The following TNFSF4 variants were observed in gnomAD, a reference collection of about 807,000 sequenced individuals.
TNFSF4 encodes tumor necrosis factor ligand superfamily member 4.
TNFSF4 carries 4 observed loss-of-function variants against 7.3 expected under a neutral mutation model. The observed-to-expected ratio is 0.55, with a 90% confidence interval of 0.27 to 1.25. TNFSF4 has a LOEUF of 1.25. TNFSF4 is among the 50% of genes most tolerant of loss of function. TNFSF4 has a pLI of 0.12. For missense variants in TNFSF4, 181 were observed against 208.8 expected, an observed-to-expected ratio of 0.87 and a Z score of 0.82; for synonymous variants, 76 against 83.7, an observed-to-expected ratio of 0.91 and a Z score of 0.50.
the TNFSF4 span, among the ~76,000 whole-genome samples, chr1:173,176,264 CA>C: frequency 1.0e-4 from 15 of 149,452 alleles, no homozygotes; most frequent in South Asian, 4.2e-4. Flanking sequence ...CCAGTATGGA[CA>C]AAAAAAAATT....
chr1:173,218,468 G>A, the TNFSF4 span, among the ~76,000 whole-genome samples: 1 of 152,004 alleles, frequency 6.6e-6, no homozygotes, highest in Non-Finnish European at 1.5e-5. Context: ...AGCCAACTCA[G>A]TGCCCATCAA....
the TNFSF4 span, among the ~76,000 whole-genome samples, chr1:173,330,543 G>A: frequency 5.3e-5 from 8 of 152,144 alleles, no homozygotes; most frequent in South Asian, 2.1e-4. Flanking sequence ...AAAAGCAGAT[G>A]TTGCCAACTT....
the TNFSF4 span, among the ~76,000 whole-genome samples, chr1:173,261,810 C>T: frequency 6.6e-6 from 1 of 151,892 alleles, no homozygotes; most frequent in Non-Finnish European, 1.5e-5. Context: ...AGACCAATAA[C>T]AAGTTCTGAA....
chr1:173,415,630 T>C, the TNFSF4 span, among the ~76,000 whole-genome samples: 2 of 152,228 alleles, frequency 1.3e-5, no homozygotes, highest in African/African-American at 4.8e-5. Flanking sequence ...GACTTTGGTG[T>C]TCTCAGCTCT....
chr1:173,431,522 A>G, the TNFSF4 span, among the ~76,000 whole-genome samples: 1 of 152,244 alleles, frequency 6.6e-6, no homozygotes, highest in African/African-American at 2.4e-5. Context: ...TCTCAACTGC[A>G]AAGTGCCAAT....
chr1:173,314,888 G>A, the TNFSF4 span, among the ~76,000 whole-genome samples: 42 of 152,202 alleles, frequency 2.8e-4, no homozygotes, highest in African/African-American at 9.6e-4. Context: ...AGTACAATGG[G>A]TATAATGTTT....
chr1:173,213,514 G>A, the TNFSF4 span, among the ~76,000 whole-genome samples: 1 of 152,046 alleles, frequency 6.6e-6, no homozygotes, highest in Non-Finnish European at 1.5e-5. Context: ...GCAACGACAA[G>A]AACATGTAAA....
chr1:173,365,376 T>C, the TNFSF4 span, among the ~76,000 whole-genome samples: 1,502 of 152,328 alleles, frequency 9.9e-3, 24 homozygotes, highest in African/African-American at 0.034. Context: ...TTTTTTATTA[T>C]TGACTGTCTC....
the TNFSF4 span, among the ~76,000 whole-genome samples, chr1:173,382,907 C>CAA: frequency 7.6e-5 from 2 of 26,316 alleles, no homozygotes; most frequent in African/African-American, 1.4e-4. Context: ...CACACACACA[C>CAA]ACAAAGGTGC....
the TNFSF4 span, among the ~76,000 whole-genome samples, chr1:173,229,005 T>C: frequency 2.0e-5 from 3 of 152,342 alleles, no homozygotes; most frequent in East Asian, 5.8e-4. Flanking sequence ...GGAAACACTC[T>C]GCAGAATATT....
At chr1:173,297,840 A>G in the TNFSF4 span, among the ~76,000 whole-genome samples, 1 of 152,022 alleles carries the variant, frequency 6.6e-6, no homozygotes, top group African/African-American at 2.4e-5. Context: ...AATGTGGCCA[A>G]CCAACTGGGA....
At chr1:173,236,409 G>C in the TNFSF4 span, among the ~76,000 whole-genome samples, 1 of 133,288 alleles carries the variant, frequency 7.5e-6, no homozygotes. Flanking sequence ...GCAAGCACCA[G>C]TTATTTCAAA....
the TNFSF4 span, among the ~76,000 whole-genome samples, chr1:173,378,462 C>T: frequency 6.6e-6 from 1 of 152,160 alleles, no homozygotes; most frequent in Non-Finnish European, 1.5e-5. Flanking sequence ...CATCAACAGG[C>T]TCACCCCTGA....
intron 1 of TNFSF4, among the ~76,000 whole-genome samples, chr1:173,202,785 CA>C (rs1180686880): frequency 7.2e-5 from 11 of 152,166 alleles, no homozygotes; most frequent in Non-Finnish European, 2.9e-5. Context: ...CAGGAACACT[CA>C]ACTTGAGCTA....
intron 1 of TNFSF4, chr1:173,205,318 T>C: frequency 6.2e-7 from 1 of 1,612,170 alleles, no homozygotes; most frequent in South Asian, 1.1e-5. Context: ...CACCATGAGG[T>C]TTAGTGTCCT....
the TNFSF4 span, among the ~76,000 whole-genome samples, chr1:173,285,202 G>T: frequency 6.6e-6 from 1 of 151,980 alleles, no homozygotes; most frequent in Admixed American, 6.6e-5. Context: ...GAAGTATTAC[G>T]GATGTGGTAG....
chr1:173,362,062 C>G, the TNFSF4 span, among the ~76,000 whole-genome samples: 61 of 152,264 alleles, frequency 4.0e-4, no homozygotes, highest in African/African-American at 1.4e-3. Context: ...TGAGGAAAAT[C>G]AGTCTTCTTG....
At chr1:173,175,539 G>A in the TNFSF4 span, 1 of 151,730 alleles carries the variant, frequency 6.6e-6, no homozygotes, top group African/African-American at 2.4e-5. Context: ...CTCCTCACTT[G>A]TACTCCCTCA....
the TNFSF4 span, among the ~76,000 whole-genome samples, chr1:173,309,265 C>T: frequency 4.6e-5 from 7 of 151,888 alleles, no homozygotes; most frequent in Middle Eastern, 3.4e-3. Flanking sequence ...TGAACAGTAA[C>T]GGCGATGCAG....
Sources: allele counts gnomAD v4.1 joint callset (sites outside exome capture counted in the v4.1 genomes callset), GRCh38; gene constraint gnomAD v4.1.1; transcripts MANE v1.5; gene names NCBI Gene and HGNC (gene_info 2026-07-23, HGNC 2026-07-21).